The following SCML2 variants were observed in gnomAD, a reference collection of about 807,000 sequenced individuals.
The protein encoded by SCML2 is Scm polycomb group protein like 2.
Under a neutral mutation model 48.4 loss-of-function variants are expected in SCML2, and 6 were observed. The ratio of observed to expected loss-of-function variants is 0.12; its 90% CI spans 0.07 to 0.24. The LOEUF (loss-of-function observed/expected upper bound fraction) is 0.24. Among genes scored for constraint, SCML2 ranks in the 10% least tolerant of loss-of-function variants. The pLI, the probability that SCML2 is intolerant of heterozygous loss-of-function variation, is 1.00. For missense variants in SCML2, 377 were observed against 528.2 expected, an observed-to-expected ratio of 0.71 and a Z score of 2.81; for synonymous variants, 181 against 189.5, an observed-to-expected ratio of 0.95 and a Z score of 0.37.
intron 7 of SCML2, among the ~76,000 whole-genome samples, chrX:18,266,999 A>G (rs116052035): frequency 0.039 from 4,390 of 111,862 alleles, 228 homozygotes; most frequent in African/African-American, 0.13. Flanking sequence ...CTTTTTTGAA[A>G]AAGTCCAGTA....
At chrX:18,319,043 C>T (rs1188143105) in intron 6 of SCML2, among the ~76,000 whole-genome samples, 1 of 111,903 alleles carries the variant, frequency 8.9e-6, no homozygotes, top group Non-Finnish European at 1.9e-5. Context: ...AAACAGACCA[C>T]GTGAAAACAC....
chrX:18,253,305 A>C (rs1407626675), intron 11 of SCML2, among the ~76,000 whole-genome samples: 1 of 111,695 alleles, frequency 9.0e-6, no homozygotes, highest in African/African-American at 3.3e-5. Flanking sequence ...AAAAAAGAGG[A>C]AACTTTTTAA....
intron 1 of SCML2, among the ~76,000 whole-genome samples, chrX:18,354,024 C>T (rs1930457822): frequency 8.9e-6 from 1 of 112,511 alleles, no homozygotes; most frequent in Admixed American, 9.3e-5. Context: ...GGTCCCGCTG[C>T]ACCGCTAGGG....
intron 7 of SCML2, among the ~76,000 whole-genome samples, chrX:18,269,891 T>C (rs978874032): frequency 9.0e-6 from 1 of 111,347 alleles, no homozygotes; most frequent in African/African-American, 3.3e-5. Flanking sequence ...GATCTAACTA[T>C]TTTGGCATTT....
At chrX:18,327,042 G>C (rs1929502598) in intron 3 of SCML2, among the ~76,000 whole-genome samples, 1 of 111,044 alleles carries the variant, frequency 9.0e-6, no homozygotes, top group Non-Finnish European at 1.9e-5. Context: ...TCTAAGTGAA[G>C]CTCTACTACC....
chrX:18,243,069 G>C (rs1926325812), intron 13 of SCML2, among the ~76,000 whole-genome samples: 1 of 111,648 alleles, frequency 9.0e-6, no homozygotes, highest in African/African-American at 3.3e-5. Flanking sequence ...TTTTGTTGTT[G>C]TTGTTGTTGT....
chrX:18,285,177 T>C (rs1208683491), intron 7 of SCML2, among the ~76,000 whole-genome samples: 1 of 111,082 alleles, frequency 9.0e-6, no homozygotes, highest in Admixed American at 9.6e-5. Context: ...AGAACTACCA[T>C]TCGGCCCAGC....
At chrX:18,249,792 C>CT (rs1277210935) in intron 11 of SCML2, among the ~76,000 whole-genome samples, 3 of 111,428 alleles carry the variant, frequency 2.7e-5, no homozygotes, top group African/African-American at 9.8e-5. Context: ...CCTTGAGGCT[C>CT]TGCACAAGGT....
chrX:18,267,787 G>A (rs1409603156), intron 7 of SCML2, among the ~76,000 whole-genome samples: 1 of 110,091 alleles, frequency 9.1e-6, no homozygotes, highest in Non-Finnish European at 1.9e-5. Flanking sequence ...TGGTAGAGAC[G>A]GGGTTTCACC....
At chrX:18,309,498 A>C (rs1314412556) in intron 6 of SCML2, among the ~76,000 whole-genome samples, 1 of 111,967 alleles carries the variant, frequency 8.9e-6, no homozygotes. Context: ...TTGCAGCACT[A>C]TTTATAATGG....
chrX:18,245,719 G>T (rs1288509203), intron 13 of SCML2, among the ~76,000 whole-genome samples: 3 of 111,909 alleles, frequency 2.7e-5, no homozygotes, highest in Non-Finnish European at 5.6e-5. Flanking sequence ...CACATGGAAG[G>T]CCGTTTTGGC....
rs769120604 is a variant in SCML2, at chrX:18,284,959, G to C, written c.731-19157C>G. On this transcript the variant is annotated intron_variant, in intron 7 of 14. Transcript: ENST00000251900. ...GGAGGCTGAGGCAGGAGAATCGCTT[G>C]AACCTGGGAGGTGGAGGTTGCAGTG... 1.1e-3 allele frequency among the ~76,000 whole-genome samples: 124 copies of C among 108,901 alleles called. 1 individual carries two copies. The highest frequency in any genetic ancestry group is 9.5e-3 in the Middle Eastern group (2 of 211). The allele number at this position is 108,901 out of a possible 115,157, so 94.6% of individuals were successfully genotyped here.
At chrX:18,297,648 A>C (rs1396392578) in intron 7 of SCML2, among the ~76,000 whole-genome samples, 1 of 111,517 alleles carries the variant, frequency 9.0e-6, no homozygotes, top group Non-Finnish European at 1.9e-5. Context: ...CCAATAATGA[A>C]ATAGCTGTAA....
Position 18,333,516 on chromosome X carries a change from G to A in SCML2, c.22+534C>T, listed in dbSNP as rs138501506. Among the ~76,000 whole-genome samples the A allele has an allele frequency of 5.1e-3, 573 of 111,778 alleles. 2 individuals carry two copies. The highest frequency in any genetic ancestry group is 0.017 in the African/African-American group (530 of 30,811). On this transcript the variant is annotated intron_variant, in intron 2 of 14. Transcript: ENST00000251900. ...ACTGTAAAGGCATGCTTAGCTTCTA[G>A]AGAAGCTAAGAATCTAGTCAAGAGA...
chrX:18,275,759 T>C (rs1193552346), intron 7 of SCML2, among the ~76,000 whole-genome samples: 1 of 112,669 alleles, frequency 8.9e-6, no homozygotes, highest in Admixed American at 9.4e-5. Context: ...AATTGACTAC[T>C]ATAGCTTGAT....
At chrX:18,255,531 A>G (rs1926811298) in intron 11 of SCML2, among the ~76,000 whole-genome samples, 1 of 112,157 alleles carries the variant, frequency 8.9e-6, no homozygotes, top group South Asian at 3.7e-4. Context: ...GACTCACTGG[A>G]CAGCTACACC....
chrX:18,324,293 G>A (rs1465970113), intron 4 of SCML2, among the ~76,000 whole-genome samples, 200 bp from the exon 5 acceptor site: 3 of 110,960 alleles, frequency 2.7e-5, no homozygotes, highest in African/African-American at 9.8e-5. Flanking sequence ...AACACTACCC[G>A]CTGCTGTTCT....
chrX:18,323,851 C>T lies in SCML2; in HGVS notation c.397+8G>A. 2 of 1,166,205 alleles carry T rather than the reference C, an allele frequency of 1.7e-6. No homozygotes were observed. Among genetic ancestry groups the T allele is most frequent in the East Asian group, 3.0e-5 (1 of 33,652 alleles). On this transcript the variant is annotated splice_region_variant and intron_variant, in intron 5 of 14. Transcript: ENST00000251900. ...AAGAATACGCTATTTTTAAAACTTT[C>T]TTCTTACCTAGTGGAGGTTGAAGTA... is the stretch of plus-strand genomic sequence containing the variant.
intron 11 of SCML2, among the ~76,000 whole-genome samples, chrX:18,255,193 T>G (rs1323768400): frequency 8.9e-6 from 1 of 112,208 alleles, no homozygotes; most frequent in Admixed American, 9.4e-5. Context: ...TACCTTTTAT[T>G]GCTCCTACTT....
Sources: allele counts gnomAD v4.1 joint callset (sites outside exome capture counted in the v4.1 genomes callset), GRCh38; gene constraint gnomAD v4.1.1; transcripts MANE v1.5; gene names NCBI Gene and HGNC (gene_info 2026-07-23, HGNC 2026-07-21).